Variants in CLEC16A observed in about 807,000 individuals in gnomAD.
CLEC16A encodes C-type lectin domain containing 16A.
Under a neutral mutation model 109.5 loss-of-function variants are expected in CLEC16A, and 51 were observed. That is an observed-to-expected ratio of 0.47 (90% CI 0.37 to 0.59). The LOEUF (loss-of-function observed/expected upper bound fraction) is 0.59, where lower values mean the gene tolerates loss of function less well. Ranked by LOEUF, CLEC16A falls within the 20% of genes least tolerant of loss-of-function variation. The pLI is 0.00. For synonymous variants in CLEC16A, 673 were observed against 564.2 expected (o/e 1.19, Z -2.73); for missense variants, 1,339 against 1,394.0 (o/e 0.96, Z 0.63).
At chr16:10,965,862 TG>T (rs2042476248) in intron 3 of CLEC16A, among the ~76,000 whole-genome samples, 1 of 152,192 alleles carries the variant, frequency 6.6e-6, no homozygotes, top group Non-Finnish European at 1.5e-5. Context: ...AAGTCCCTGC[TG>T]GGGAGTGGAG....
rs2050354709 is a variant in CLEC16A at position 11,092,361 on chromosome 16, A to AC, written c.2117-28254_2117-28253insC. ...CTGTCTCAAAAAACAAACAAAAACA[A>AC]ACACACACACACACACACACACACA... is the stretch of plus-strand genomic sequence containing the variant. On this transcript the variant is annotated intron_variant, in intron 19 of 23. Transcript: ENST00000409790. Among the ~76,000 whole-genome samples the AC allele has an allele frequency of 1.7e-4, 22 of 132,544 alleles. No individual in the cohort carries two copies. In the East Asian group the frequency reaches 4.9e-3, roughly 29 times the overall value. The allele number at this position is 132,544 out of a possible 152,430, so 87.0% of individuals were successfully genotyped here.
intron 11 of CLEC16A, among the ~76,000 whole-genome samples, chr16:11,015,580 A>G (rs2045697590): frequency 6.6e-6 from 1 of 152,198 alleles, no homozygotes; most frequent in Non-Finnish European, 1.5e-5. Flanking sequence ...CTCTGCGCTC[A>G]TCTGCTGACT....
intron 11 of CLEC16A, 150 bp from the exon 12 acceptor site, chr16:11,020,043 G>A (rs1387751780): frequency 1.3e-6 from 1 of 762,278 alleles, no homozygotes; most frequent in East Asian, 3.1e-5. Context: ...CCACCCCAGT[G>A]TGTCTCTGGT....
At chr16:10,997,597 G>T (rs1022992390) in intron 10 of CLEC16A, among the ~76,000 whole-genome samples, 5 of 152,144 alleles carry the variant, frequency 3.3e-5, no homozygotes, top group Non-Finnish European at 7.3e-5. Context: ...TGTTCTTTAC[G>T]TGTAAATAGT....
At chr16:11,160,583 C>G (rs2054688424) in intron 22 of CLEC16A, among the ~76,000 whole-genome samples, 1 of 152,030 alleles carries the variant, frequency 6.6e-6, no homozygotes, top group African/African-American at 2.4e-5. Flanking sequence ...TTTTCTGCAC[C>G]AAAAACTCTG....
intron 11 of CLEC16A, among the ~76,000 whole-genome samples, chr16:11,009,875 C>T (rs1421616853): frequency 6.6e-6 from 1 of 152,034 alleles, no homozygotes; most frequent in Non-Finnish European, 1.5e-5. Flanking sequence ...ATATGGTGGC[C>T]AGGCGCAGTG....
At chr16:11,011,014 C>T (rs1306752799) in intron 11 of CLEC16A, among the ~76,000 whole-genome samples, 1 of 152,216 alleles carries the variant, frequency 6.6e-6, no homozygotes, top group African/African-American at 2.4e-5. Context: ...TCTGGAGGCA[C>T]ATGATGTCCT....
chr16:11,096,698 C>T (rs924648724), intron 19 of CLEC16A, among the ~76,000 whole-genome samples: 1 of 152,114 alleles, frequency 6.6e-6, no homozygotes, highest in Middle Eastern at 3.2e-3. Context: ...GTGCCTTGTC[C>T]CTGCATCACC....
chr16:11,069,489 C>A (rs1296295911), intron 19 of CLEC16A, among the ~76,000 whole-genome samples: 1 of 151,958 alleles, frequency 6.6e-6, no homozygotes, highest in Non-Finnish European at 1.5e-5. Flanking sequence ...AGCTGGAATA[C>A]AATGGTGCAA....
chr16:11,156,637 G>A, intron 22 of CLEC16A: 2 of 1,304,306 alleles, frequency 1.5e-6, no homozygotes, highest in East Asian at 5.5e-5. Flanking sequence ...CTAGTGCCTT[G>A]GCTGACAGAC....
intron 19 of CLEC16A, among the ~76,000 whole-genome samples, chr16:11,084,421 C>G (rs1026861764): frequency 1.6e-4 from 24 of 152,138 alleles, no homozygotes; most frequent in African/African-American, 4.8e-4. Context: ...CACAGTGTAG[C>G]AGGTACTCAG....
intron 23 of CLEC16A, among the ~76,000 whole-genome samples, chr16:11,172,837 C>G (rs763127389): frequency 4.6e-5 from 7 of 152,082 alleles, no homozygotes; most frequent in Admixed American, 1.3e-4. Context: ...TGCAGTGAGC[C>G]GAGATCATGC....
At chr16:11,115,486 C>T (rs1471558560) in intron 19 of CLEC16A, among the ~76,000 whole-genome samples, 2 of 152,096 alleles carry the variant, frequency 1.3e-5, no homozygotes, top group African/African-American at 4.8e-5. Context: ...GATCCTCCTG[C>T]CTCAGCCTCC....
At chr16:11,059,058 C>A (rs1252294781) in intron 18 of CLEC16A, among the ~76,000 whole-genome samples, 2 of 152,198 alleles carry the variant, frequency 1.3e-5, no homozygotes, top group Non-Finnish European at 2.9e-5. Flanking sequence ...ACATGTCATA[C>A]ATTCCTGAGT....
rs2068263141 is a variant in CLEC16A, at chr16:11,166,422, C to T, written c.2676C>T (p.Ser892=). ...TGGCCCAGTGCATAAACCAGCACAG[C>T]TCCCCGTCCCTGTCCTCACAGTCGC... The part of the protein sequence containing the change: ...FAVAQCINQH[S]SPSLSSQSPP... Residue 892 remains serine (S), a synonymous_variant, in exon 23 of 24, where the codon AGC becomes AGT. Transcript: ENST00000409790. 6.2e-7 allele frequency: 1 copy of T among 1,605,882 alleles called. No homozygotes were observed. Among genetic ancestry groups the T allele is most frequent in the Admixed American group, 1.7e-5 (1 of 59,966 alleles).
intron 12 of CLEC16A, 197 bp from the exon 13 acceptor site, chr16:11,024,624 C>T (rs2046305147): frequency 1.9e-6 from 1 of 520,682 alleles, no homozygotes; most frequent in Non-Finnish European, 3.5e-6. Flanking sequence ...GTCAGGTTCC[C>T]CTCTGGATAG....
chr16:11,109,708 GTCCTA>G (rs2051455508), intron 19 of CLEC16A, among the ~76,000 whole-genome samples: 1 of 152,122 alleles, frequency 6.6e-6, no homozygotes, highest in East Asian at 1.9e-4. Flanking sequence ...CCCTCCAGGT[GTCCTA>G]TCAGCTGTGG....
chr16:11,002,982 T>A, intron 10 of CLEC16A, 92 bp from the exon 11 acceptor site: 5 of 948,712 alleles, frequency 5.3e-6, no homozygotes, highest in Non-Finnish European at 7.6e-6. Flanking sequence ...TGGAGATGAG[T>A]TTCTTAGGAC....
chr16:11,122,216 T>C (rs2052472588), intron 20 of CLEC16A, among the ~76,000 whole-genome samples: 1 of 152,196 alleles, frequency 6.6e-6, no homozygotes, highest in Non-Finnish European at 1.5e-5. Flanking sequence ...TACAGCCTCT[T>C]CCCCAGCCTC....
Sources: allele counts gnomAD v4.1 joint callset (sites outside exome capture counted in the v4.1 genomes callset), GRCh38; gene constraint gnomAD v4.1.1; transcripts MANE v1.5; gene names NCBI Gene and HGNC (gene_info 2026-07-23, HGNC 2026-07-21).